PPP1R14C: variants seen among roughly 807,000 people sequenced by gnomAD.
PPP1R14C encodes protein phosphatase 1 regulatory inhibitor subunit 14C.
PPP1R14C carries 16 observed loss-of-function variants against 20.4 expected under a neutral mutation model. The ratio of observed to expected loss-of-function variants is 0.78; its 90% CI spans 0.53 to 1.19. PPP1R14C has a LOEUF of 1.19. Ranked by LOEUF, PPP1R14C falls within the 50% of genes most tolerant of loss-of-function variation. PPP1R14C has a pLI of 0.00. For missense variants in PPP1R14C, 211 were observed against 220.1 expected, an observed-to-expected ratio of 0.96 and a Z score of 0.26; for synonymous variants, 91 against 91.0, an observed-to-expected ratio of 1.00 and a Z score of 0.00.
At chr6:150,190,450 G>A (rs1170421294) in intron 1 of PPP1R14C, among the ~76,000 whole-genome samples, 1 of 142,514 alleles carries the variant, frequency 7.0e-6, no homozygotes, top group South Asian at 2.2e-4. Flanking sequence ...TTTTTTTTGA[G>A]ATGGAGTCTC....
At chr6:150,147,073 C>G (rs1244252502) in intron 1 of PPP1R14C, among the ~76,000 whole-genome samples, 1 of 151,110 alleles carries the variant, frequency 6.6e-6, no homozygotes, top group Non-Finnish European at 1.5e-5. Context: ...ATAATGTAAC[C>G]ATTAGACTAA....
chr6:150,216,860 A>G lies in PPP1R14C; in HGVS notation c.423+4A>G. 1 of 1,601,576 alleles carries G rather than the reference A, an allele frequency of 6.2e-7. No homozygotes were observed. Among genetic ancestry groups the G allele is most frequent in the Non-Finnish European group, 8.5e-7 (1 of 1,173,196 alleles). ...AGACTGCTACAAACCAACAGAGGTA[A>G]GCAAATCACTTTTCCTAAATGCCAT... On this transcript the variant is annotated splice_donor_region_variant and intron_variant, in intron 3 of 3. Transcript: ENST00000361131.
chr6:150,237,236 C>T (rs2114929075), intron 3 of PPP1R14C, among the ~76,000 whole-genome samples: 1 of 152,128 alleles, frequency 6.6e-6, no homozygotes, highest in East Asian at 1.9e-4. Flanking sequence ...CGGAGTGTTG[C>T]TCTGTTACCC....
chr6:150,218,372 C>T (rs1778123447), intron 3 of PPP1R14C, among the ~76,000 whole-genome samples: 1 of 151,318 alleles, frequency 6.6e-6, no homozygotes, highest in African/African-American at 2.4e-5. Flanking sequence ...CACTGCACTC[C>T]AGCCTGGGCG....
chr6:150,232,153 T>C (rs746378253), intron 3 of PPP1R14C, among the ~76,000 whole-genome samples: 8 of 152,060 alleles, frequency 5.3e-5, no homozygotes, highest in Non-Finnish European at 1.2e-4. Context: ...CAACAAAATT[T>C]TTCCTGACTG....
At chr6:150,171,842 C>G (rs9479822) in intron 1 of PPP1R14C, among the ~76,000 whole-genome samples, 33,981 of 151,910 alleles carry the variant, frequency 0.22, 4,101 homozygotes, top group South Asian at 0.32. Context: ...GAGTCTTGCT[C>G]TCACCCAGGC....
intron 3 of PPP1R14C, among the ~76,000 whole-genome samples, chr6:150,247,736 A>G (rs985645817): frequency 6.6e-6 from 1 of 152,180 alleles, no homozygotes; most frequent in Non-Finnish European, 1.5e-5. Context: ...GATCTACACC[A>G]GTGGTGTGCA....
At chr6:150,166,242 G>A (rs1410670230) in intron 1 of PPP1R14C, among the ~76,000 whole-genome samples, 3 of 151,876 alleles carry the variant, frequency 2.0e-5, no homozygotes, top group African/African-American at 4.8e-5. Context: ...TACCACGCCC[G>A]GCTAATTTTT....
At chr6:150,206,492 G>A (rs565471614) in intron 1 of PPP1R14C, among the ~76,000 whole-genome samples, 45 of 152,268 alleles carry the variant, frequency 3.0e-4, no homozygotes, top group South Asian at 2.7e-3. Context: ...ATAATCTGAC[G>A]TAACCCGTGA....
chr6:150,151,568 A>G (rs540296444), intron 1 of PPP1R14C, among the ~76,000 whole-genome samples: 9 of 152,142 alleles, frequency 5.9e-5, no homozygotes, highest in African/African-American at 9.6e-5. Flanking sequence ...TGCACCCTCC[A>G]CCACTGCTGC....
At chr6:150,168,082 CCTTTCCGTTTTCACT>C (rs1777451706) in intron 1 of PPP1R14C, among the ~76,000 whole-genome samples, 1 of 81,068 alleles carries the variant, frequency 1.2e-5, no homozygotes, top group African/African-American at 5.3e-5. Flanking sequence ...TTGCTCTCTC[CCTTTCCGTTTTCACT>C]TCCCCTTTTA....
At chr6:150,170,751 C>T (rs560905545) in intron 1 of PPP1R14C, among the ~76,000 whole-genome samples, 2 of 147,796 alleles carry the variant, frequency 1.4e-5, no homozygotes, top group South Asian at 4.3e-4. Context: ...TTAGAAGAAA[C>T]AGAGCCTTGT....
intron 1 of PPP1R14C, chr6:150,195,804 C>T: frequency 1.0e-6 from 1 of 983,834 alleles, no homozygotes; most frequent in Non-Finnish European, 1.2e-6. Context: ...CAAACTGAGA[C>T]ACTGTGCCCA....
chr6:150,193,744 CT>C (rs1400123189), intron 1 of PPP1R14C, among the ~76,000 whole-genome samples: 1 of 152,142 alleles, frequency 6.6e-6, no homozygotes, highest in African/African-American at 2.4e-5. Flanking sequence ...TGAACAGCTG[CT>C]CTTGATAAAA....
At chr6:150,194,347 G>T (rs1396614803) in intron 1 of PPP1R14C, among the ~76,000 whole-genome samples, 1 of 152,136 alleles carries the variant, frequency 6.6e-6, no homozygotes, top group African/African-American at 2.4e-5. Context: ...ACACTTATAA[G>T]GATTTGGACA....
chr6:150,207,716 T>TA (rs2114903935), intron 1 of PPP1R14C, among the ~76,000 whole-genome samples: 1 of 152,376 alleles, frequency 6.6e-6, no homozygotes, highest in African/African-American at 2.4e-5. Context: ...GAGAATGTCT[T>TA]AGTTCATTTT....
intron 1 of PPP1R14C, among the ~76,000 whole-genome samples, chr6:150,149,317 GTGTGTGTA>G (rs949748249): frequency 2.6e-4 from 40 of 151,434 alleles, no homozygotes; most frequent in African/African-American, 8.0e-4. Flanking sequence ...GTGTGTGTGT[GTGTGTGTA>G]TGTGTGTGTA....
In PPP1R14C at chr6:150,147,405, C is replaced by T. The variant is rs374596764; in HGVS notation, c.306+3907C>T. On this transcript the variant is annotated intron_variant, in intron 1 of 3. Coordinates refer to ENST00000361131, the MANE Select transcript of PPP1R14C (RefSeq NM_030949.3). ...ATGTTGGCCAGGCTGGTCTCGAACT[C>T]CTGATCTCATGATCCGACTGCCTCA... Among the ~76,000 whole-genome samples, 66 of 152,148 alleles carry T rather than the reference C, an allele frequency of 4.3e-4. 1 individual carries two copies. In the South Asian group the frequency reaches 0.012, roughly 27 times the overall value.
chr6:150,216,712 G>T, intron 2 of PPP1R14C, 112 bp from the exon 3 acceptor site: 1 of 750,024 alleles, frequency 1.3e-6, no homozygotes, highest in South Asian at 1.7e-5. Context: ...ATGAAATCTT[G>T]ATTTACCATT....
Sources: allele counts gnomAD v4.1 joint callset (sites outside exome capture counted in the v4.1 genomes callset), GRCh38; gene constraint gnomAD v4.1.1; transcripts MANE v1.5; gene names NCBI Gene and HGNC (gene_info 2026-07-23, HGNC 2026-07-21).